DPYD: variants seen among roughly 807,000 people sequenced by gnomAD.
DPYD encodes dihydropyrimidine dehydrogenase, also known as dihydropyrimidine dehydrogenase [NADP(+)].
Under a neutral mutation model 116.2 loss-of-function variants are expected in DPYD, and 109 were observed. The observed-to-expected ratio is 0.94, with a 90% CI of 0.80 to 1.10. The LOEUF (loss-of-function observed/expected upper bound fraction) is 1.10, where lower values mean the gene tolerates loss of function less well. Among genes scored for constraint, DPYD ranks in the 50% least tolerant of loss-of-function variants. The pLI is 0.00. For synonymous variants in DPYD, 440 were observed against 432.0 expected (o/e 1.02, Z -0.23); for missense variants, 1,302 against 1,254.5 (o/e 1.04, Z -0.57).
At chr1:97,517,345 T>A (rs79759349) in intron 12 of DPYD, among the ~76,000 whole-genome samples, 2,488 of 152,170 alleles carry the variant, frequency 0.016, 69 homozygotes, top group African/African-American at 0.057. Flanking sequence ...AGCTACAATG[T>A]AAAATATAGG....
chr1:97,387,780 G>C (rs1468364833), intron 14 of DPYD, among the ~76,000 whole-genome samples: 1 of 152,098 alleles, frequency 6.6e-6, no homozygotes, highest in Non-Finnish European at 1.5e-5. Context: ...GGGGAAAAAA[G>C]AAGGCTTTTG....
intron 12 of DPYD, among the ~76,000 whole-genome samples, chr1:97,533,476 C>T (rs1307937497): frequency 3.3e-5 from 5 of 151,858 alleles, no homozygotes; most frequent in African/African-American, 1.2e-4. Flanking sequence ...ACTGACAGGC[C>T]CCGGGGCAAA....
At chr1:97,288,936 C>A (rs1665931998) in intron 18 of DPYD, among the ~76,000 whole-genome samples, 3 of 151,734 alleles carry the variant, frequency 2.0e-5, no homozygotes, top group Admixed American at 1.3e-4. Flanking sequence ...TGATAGACTG[C>A]TAGCAAGACT....
intron 12 of DPYD, among the ~76,000 whole-genome samples, chr1:97,541,982 AT>A (rs1650481937): frequency 6.6e-6 from 1 of 152,200 alleles, no homozygotes; most frequent in Admixed American, 6.5e-5. Context: ...AAAAAAGTAA[AT>A]TTAATATTAT....
At chr1:97,743,813 T>C (rs567871986) in intron 3 of DPYD, among the ~76,000 whole-genome samples, 2 of 152,116 alleles carry the variant, frequency 1.3e-5, no homozygotes, top group Non-Finnish European at 2.9e-5. Flanking sequence ...TTTTCATCTT[T>C]AGTCATTTAA....
chr1:97,190,880 T>C (rs893322562), intron 20 of DPYD, among the ~76,000 whole-genome samples: 8 of 152,152 alleles, frequency 5.3e-5, no homozygotes, highest in African/African-American at 1.9e-4. Flanking sequence ...AGAGTAGCCA[T>C]TGTACTTTCC....
At chr1:97,137,065 G>C (rs1352192784) in intron 20 of DPYD, among the ~76,000 whole-genome samples, 2 of 152,212 alleles carry the variant, frequency 1.3e-5, no homozygotes, top group African/African-American at 4.8e-5. Context: ...CAAATGCCAA[G>C]TAAATAGTTC....
chr1:97,190,954 C>T (rs1658310401), intron 20 of DPYD, among the ~76,000 whole-genome samples: 1 of 152,104 alleles, frequency 6.6e-6, no homozygotes, highest in Admixed American at 6.6e-5. Context: ...AAAGGGTCTA[C>T]ATTTTCTCTC....
intron 3 of DPYD, among the ~76,000 whole-genome samples, chr1:97,806,462 A>T (rs1279724355): frequency 2.6e-5 from 4 of 151,874 alleles, no homozygotes; most frequent in African/African-American, 9.7e-5. Flanking sequence ...ATCTTTTGGG[A>T]CATTTTTTAC....
chr1:97,152,776 A>C (rs1655131016), intron 20 of DPYD, among the ~76,000 whole-genome samples: 1 of 151,788 alleles, frequency 6.6e-6, no homozygotes, highest in Admixed American at 6.6e-5. Context: ...CAGGTATAGC[A>C]TACCTGAGAA....
rs916984819 is a variant in DPYD, at chr1:97,570,656, C to T, written c.1339+3104G>A. Among the ~76,000 whole-genome samples, 7 of 151,560 alleles carry T rather than the reference C, an allele frequency of 4.6e-5. No homozygotes were observed. The South Asian group carries it at 8.3e-4, about 18-fold the overall frequency. On this transcript the variant is annotated intron_variant, in intron 11 of 22. Coordinates refer to ENST00000370192, the MANE Select transcript of DPYD (RefSeq NM_000110.4). ...TTGGCTATGGGGAGTACTAATGGTACCATTTGCAATAATAGTGAATTTGAG... is the reference window on the plus strand; with the variant it reads ...TTGGCTATGGGGAGTACTAATGGTATCATTTGCAATAATAGTGAATTTGAG...
chr1:97,329,558 C>T (rs1668875419), intron 16 of DPYD, among the ~76,000 whole-genome samples: 1 of 151,208 alleles, frequency 6.6e-6, no homozygotes, highest in Non-Finnish European at 1.5e-5. Flanking sequence ...ACCAGCCTGG[C>T]CAACATGGCA....
intron 6 of DPYD, 29 bp from the exon 7 acceptor site, chr1:97,691,827 C>T: frequency 6.3e-7 from 1 of 1,588,444 alleles, no homozygotes; most frequent in South Asian, 1.1e-5. Context: ...GAAAAACAGG[C>T]ATCAGTAGAA....
At chr1:97,220,088 A>T (rs568430399) in intron 19 of DPYD, among the ~76,000 whole-genome samples, 20 of 152,126 alleles carry the variant, frequency 1.3e-4, no homozygotes, top group Non-Finnish European at 2.6e-4. Flanking sequence ...GTCCCCTCCA[A>T]AACTCATGTT....
intron 4 of DPYD, among the ~76,000 whole-genome samples, chr1:97,723,136 C>T (rs1035010938): frequency 1.3e-5 from 2 of 151,544 alleles, no homozygotes; most frequent in South Asian, 2.1e-4. Flanking sequence ...AGCTAATGCA[C>T]GGCTTTCACA....
chr1:97,645,753 T>A (rs1221046471), intron 8 of DPYD, among the ~76,000 whole-genome samples: 1 of 152,136 alleles, frequency 6.6e-6, no homozygotes, highest in East Asian at 1.9e-4. Flanking sequence ...ATAAAAGCTG[T>A]TGATCTGTGT....
At chr1:97,429,328 A>G (rs1675044268) in intron 14 of DPYD, among the ~76,000 whole-genome samples, 1 of 152,118 alleles carries the variant, frequency 6.6e-6, no homozygotes, top group Admixed American at 6.6e-5. Context: ...TTTACCTAAA[A>G]AAGTGGTATG....
At chr1:97,248,310 C>T (rs1662856634) in intron 18 of DPYD, among the ~76,000 whole-genome samples, 1 of 152,118 alleles carries the variant, frequency 6.6e-6, no homozygotes, top group African/African-American at 2.4e-5. Context: ...CTGCGCTGTT[C>T]TTGTGATAGT....
intron 3 of DPYD, among the ~76,000 whole-genome samples, chr1:97,785,944 C>T (rs1426044360): frequency 2.6e-5 from 4 of 151,132 alleles, no homozygotes; most frequent in Admixed American, 6.6e-5. Flanking sequence ...CCGCCTGCCT[C>T]GGCCTCCCAA....
Sources: allele counts gnomAD v4.1 joint callset (sites outside exome capture counted in the v4.1 genomes callset), GRCh38; gene constraint gnomAD v4.1.1; transcripts MANE v1.5; gene names NCBI Gene and HGNC (gene_info 2026-07-23, HGNC 2026-07-21).